Variants in YBEY observed in about 807,000 individuals in gnomAD.
The protein encoded by YBEY is ybeY metalloendoribonuclease, also known as endoribonuclease YbeY.
A neutral mutation model predicts 13.5 loss-of-function variants in YBEY; 15 were observed. That is an observed-to-expected ratio of 1.11 (90% CI 0.75 to 1.72). The LOEUF (loss-of-function observed/expected upper bound fraction) is 1.72, where lower values mean the gene tolerates loss of function less well. Ranked by LOEUF, YBEY falls within the 40% of genes most tolerant of loss-of-function variation. The pLI is 0.00. For synonymous variants in YBEY, 101 were observed against 83.1 expected (o/e 1.21, Z -1.17); for missense variants, 244 against 208.4 (o/e 1.17, Z -1.05).
the YBEY span, among the ~76,000 whole-genome samples, chr21:46,303,703 C>CT: frequency 1.8e-5 from 1 of 55,162 alleles, no homozygotes; most frequent in East Asian, 5.7e-4. Flanking sequence ...CACACACACA[C>CT]ACAAAATATA....
At chr21:46,296,092 C>A in intron 3 of YBEY, 70 bp from the exon 4 acceptor site, 1 of 1,574,786 alleles carries the variant, frequency 6.4e-7, no homozygotes, top group South Asian at 1.1e-5. Flanking sequence ...GCCTGTGGCC[C>A]TGGGGTGGCC....
At chr21:46,303,535 C>G in the YBEY span, among the ~76,000 whole-genome samples, 1 of 150,614 alleles carries the variant, frequency 6.6e-6, no homozygotes, top group East Asian at 2.0e-4. Context: ...CTTAAATGGA[C>G]ACTTTACAAA....
At chr21:46,295,185 C>T (rs1287918037) in intron 3 of YBEY, among the ~76,000 whole-genome samples, 1 of 152,100 alleles carries the variant, frequency 6.6e-6, no homozygotes, top group Non-Finnish European at 1.5e-5. Flanking sequence ...GGCCCAGAGC[C>T]CTCTCCTTGG....
the YBEY span, among the ~76,000 whole-genome samples, chr21:46,305,242 T>C: frequency 6.6e-6 from 1 of 151,164 alleles, no homozygotes; most frequent in Non-Finnish European, 1.5e-5. Flanking sequence ...CAGCAGTGAC[T>C]ACAGTTAACG....
In YBEY at chr21:46,288,639, A is replaced by G. The variant is rs923016312; in HGVS notation, c.210+1516A>G. On this transcript the variant is annotated intron_variant, in intron 2 of 4. Transcript: ENST00000397701. ...GGTTGCAGTGAGCTGAGATTGCACC[A>G]CTGCACTCCAGCCTGGCGACAGAGC... Among the ~76,000 whole-genome samples the G allele has an allele frequency of 1.3e-5, 2 of 151,826 alleles. 1 individual carries two copies. Among genetic ancestry groups the G allele is most frequent in the South Asian group, 4.1e-4 (2 of 4,820 alleles).
At chr21:46,296,452 G>T (rs1052621947) in intron 4 of YBEY, among the ~76,000 whole-genome samples, 1 of 152,224 alleles carries the variant, frequency 6.6e-6, no homozygotes, top group South Asian at 2.1e-4. Context: ...TGCAGAGGCC[G>T]AGAGCCACAG....
chr21:46,294,858 G>A (rs949669469), intron 3 of YBEY, among the ~76,000 whole-genome samples: 14 of 152,136 alleles, frequency 9.2e-5, no homozygotes, highest in East Asian at 5.8e-4. Flanking sequence ...GCCCTGAATC[G>A]CCCTTGTGGA....
rs1004968180 is a variant in YBEY, at chr21:46,291,442, G to T, written c.319G>T (p.Asp107Tyr). Residue 107 changes from aspartate (D) to tyrosine (Y), a missense_variant, in exon 3 of 5, where the codon GAT (aspartate) becomes TAT (tyrosine). By Grantham distance (160) the Asp-to-Tyr change is radical (BLOSUM62 -3). Transcript: ENST00000397701. ...YIFHQCKENE[D>Y]YNDVLTVTAT... ...CTTCCATCAGTGTAAAGAAAATGAA[G>T]ATTACAATGACGTCCTGACTGTAAG... 2 of 1,614,060 alleles carry T rather than the reference G, an allele frequency of 1.2e-6. No individual in the cohort carries two copies. The highest frequency in any genetic ancestry group is 2.7e-5 in the African/African-American group (2 of 75,050).
chr21:46,287,149 G>C, intron 2 of YBEY, 26 bp downstream of exon 2: 3 of 991,288 alleles, frequency 3.0e-6, no homozygotes, highest in Non-Finnish European at 4.4e-6. Flanking sequence ...TCCTCTTCTT[G>C]TCTAGCCCAT....
downstream of YBEY, chr21:46,302,341 G>A (rs552143988): frequency 1.1e-5 from 12 of 1,106,390 alleles, no homozygotes; most frequent in East Asian, 2.6e-5. Flanking sequence ...GCTGGGACTC[G>A]ATGGGGATGG....
the YBEY span, among the ~76,000 whole-genome samples, chr21:46,311,133 G>C: frequency 7.2e-5 from 11 of 152,044 alleles, no homozygotes; most frequent in Non-Finnish European, 1.5e-4. Context: ...CAGCCTCCCA[G>C]TGTTGGGATT....
the YBEY span, among the ~76,000 whole-genome samples, chr21:46,305,228 G>A: frequency 1.4e-4 from 21 of 152,134 alleles, no homozygotes; most frequent in South Asian, 1.5e-3. Flanking sequence ...AATGTTCTGC[G>A]GCACAGCAGT....
the YBEY span, among the ~76,000 whole-genome samples, chr21:46,310,351 C>A: frequency 6.6e-6 from 1 of 151,530 alleles, no homozygotes; most frequent in Non-Finnish European, 1.5e-5. Context: ...TGGTGGTGGG[C>A]ACCAGTAATC....
the YBEY span, among the ~76,000 whole-genome samples, chr21:46,305,957 A>C: frequency 4.0e-5 from 6 of 150,898 alleles, no homozygotes; most frequent in Admixed American, 1.3e-4. Context: ...AAAAGAAAAG[A>C]ATCTTGAGTG....
the YBEY span, among the ~76,000 whole-genome samples, chr21:46,305,845 G>T: frequency 6.6e-6 from 1 of 152,260 alleles, no homozygotes; most frequent in East Asian, 1.9e-4. Flanking sequence ...GGAAGGCTGA[G>T]GCAGGAGAAT....
intron 3 of YBEY, among the ~76,000 whole-genome samples, chr21:46,292,682 G>C (rs866684505): frequency 9.9e-5 from 7 of 70,406 alleles, no homozygotes; most frequent in South Asian, 7.4e-4. Flanking sequence ...ACCCGTGCCC[G>C]GGACTCAGTG....
the YBEY span, among the ~76,000 whole-genome samples, chr21:46,309,498 C>G: frequency 6.6e-6 from 1 of 151,758 alleles, no homozygotes; most frequent in East Asian, 1.9e-4. Flanking sequence ...TTCAGATATT[C>G]TGAGCAACAG....
chr21:46,308,107 C>T, the YBEY span, among the ~76,000 whole-genome samples: 1 of 151,944 alleles, frequency 6.6e-6, no homozygotes, highest in Non-Finnish European at 1.5e-5. Context: ...GATTCTCCTA[C>T]CTCAGCCTCC....
chr21:46,307,794 C>A, the YBEY span, among the ~76,000 whole-genome samples: 1 of 152,130 alleles, frequency 6.6e-6, no homozygotes, highest in South Asian at 2.1e-4. Flanking sequence ...CACACGTCTG[C>A]CCCTAGACTA....
Sources: gnomAD v4.1 joint callset for allele counts (sites outside exome capture counted in the v4.1 genomes callset) on GRCh38, gnomAD v4.1.1 for gene constraint, MANE v1.5 for transcripts, NCBI Gene and HGNC (gene_info 2026-07-23, HGNC 2026-07-21) for gene names.